LOC128125822: variants seen among roughly 807,000 people sequenced by gnomAD.
the LOC128125822 span, chr6:63,578,580 TATTCAAATAGTAA>T: frequency 1.3e-6 from 2 of 1,567,676 alleles, no homozygotes; most frequent in Non-Finnish European, 8.6e-7. Context: ...TACAAAAGTT[TATTCAAATAGTAA>T]ATTCAAATAA....
the LOC128125822 span, chr6:63,572,516 CG>C: frequency 2.6e-6 from 1 of 391,662 alleles, no homozygotes; most frequent in East Asian, 3.6e-5. Flanking sequence ...GGCTGCGGGC[CG>C]GCTCGGCTAC....
the LOC128125822 span, chr6:63,579,096 A>C: frequency 1.4e-6 from 2 of 1,436,428 alleles, no homozygotes; most frequent in Non-Finnish European, 1.8e-6. Flanking sequence ...AAACTTGAAA[A>C]ATTCTTATAA....
chr6:63,578,802 A>G, the LOC128125822 span: 2 of 1,244,374 alleles, frequency 1.6e-6, no homozygotes, highest in Non-Finnish European at 2.1e-6. Context: ...TTAAAATGAG[A>G]ATGCTTTTGA....
chr6:63,581,084 T>A, the LOC128125822 span: 1 of 152,284 alleles, frequency 6.6e-6, no homozygotes, highest in South Asian at 2.1e-4. Context: ...ATTCTTGTAA[T>A]TTTTTTCCCA....
chr6:63,578,145 G>A, the LOC128125822 span, among the ~76,000 whole-genome samples: 1 of 152,122 alleles, frequency 6.6e-6, no homozygotes, highest in Non-Finnish European at 1.5e-5. Context: ...TACCATGACT[G>A]TAAACAACTT....
At chr6:63,582,258 G>A in the LOC128125822 span, 1 of 152,228 alleles carries the variant, frequency 6.6e-6, no homozygotes, top group East Asian at 1.9e-4. Context: ...ATTACTAAAT[G>A]TTAAACTATT....
At chr6:63,580,049 C>A in the LOC128125822 span, 18 of 1,445,250 alleles carry the variant, frequency 1.2e-5, no homozygotes, top group African/African-American at 4.5e-5. Flanking sequence ...TTTTTTTTTT[C>A]CTCCCAGAAA....
At chr6:63,576,876 T>G in the LOC128125822 span, 1 of 1,608,556 alleles carries the variant, frequency 6.2e-7, no homozygotes, top group Non-Finnish European at 8.5e-7. Context: ...TTTAACTAAA[T>G]TAACATGGCT....
At chr6:63,580,068 G>C in the LOC128125822 span, 1 of 1,610,060 alleles carries the variant, frequency 6.2e-7, no homozygotes, top group Non-Finnish European at 8.5e-7. Context: ...AAGCGGCGTG[G>C]AGCTTTTAAC....
the LOC128125822 span, chr6:63,578,356 C>G: frequency 6.9e-7 from 1 of 1,440,260 alleles, no homozygotes; most frequent in Non-Finnish European, 9.2e-7. Flanking sequence ...ACTTACTGAT[C>G]AGAGATGATC....
At chr6:63,577,858 C>A in the LOC128125822 span, among the ~76,000 whole-genome samples, 274 of 149,372 alleles carry the variant, frequency 1.8e-3, 1 homozygote, top group African/African-American at 6.4e-3. Context: ...ATTATATATA[C>A]ACTAATATAT....
the LOC128125822 span, chr6:63,579,007 A>G: frequency 6.2e-7 from 1 of 1,602,412 alleles, no homozygotes; most frequent in Non-Finnish European, 8.5e-7. Flanking sequence ...ATTGCTGTTC[A>G]TTGCGTTGCA....
chr6:63,576,083 AATTATAT>A, the LOC128125822 span, among the ~76,000 whole-genome samples: 4 of 150,146 alleles, frequency 2.7e-5, no homozygotes, highest in Non-Finnish European at 5.9e-5. Context: ...AGAATCATAT[AATTATAT>A]ATTATATATA....
At chr6:63,578,815 A>C in the LOC128125822 span, 4 of 1,308,112 alleles carry the variant, frequency 3.1e-6, no homozygotes, top group Non-Finnish European at 4.0e-6. Flanking sequence ...GCTTTTGAAA[A>C]CATTTCCATG....
chr6:63,575,701 A>G, the LOC128125822 span, among the ~76,000 whole-genome samples: 3 of 152,166 alleles, frequency 2.0e-5, no homozygotes, highest in Non-Finnish European at 2.9e-5. Context: ...CTTTACAGTT[A>G]TAAATGAGAG....
the LOC128125822 span, among the ~76,000 whole-genome samples, chr6:63,574,385 T>C: frequency 1.3e-5 from 2 of 152,282 alleles, no homozygotes; most frequent in South Asian, 4.1e-4. Flanking sequence ...ATCCCCATTA[T>C]GGATAGTTTT....
the LOC128125822 span, among the ~76,000 whole-genome samples, chr6:63,574,720 G>T: frequency 6.6e-6 from 1 of 152,164 alleles, no homozygotes; most frequent in African/African-American, 2.4e-5. Flanking sequence ...AGAATACTGT[G>T]ATGAGTCATT....
At chr6:63,580,123 G>A in the LOC128125822 span, 19 of 1,613,660 alleles carry the variant, frequency 1.2e-5, no homozygotes, top group African/African-American at 1.5e-4. Flanking sequence ...CTAAAATGCG[G>A]CTGCGTTTCA....
chr6:63,578,597 C>A, the LOC128125822 span: 1 of 1,535,914 alleles, frequency 6.5e-7, no homozygotes, highest in Non-Finnish European at 8.7e-7. Flanking sequence ...ATAGTAAATT[C>A]AAATAAATAT....
Sources: allele counts gnomAD v4.1 joint callset (sites outside exome capture counted in the v4.1 genomes callset), GRCh38; gene constraint gnomAD v4.1.1; transcripts MANE v1.5.